HTR2A: variants seen among roughly 807,000 people sequenced by gnomAD.
The protein encoded by HTR2A is 5-HT2 receptor.
In HTR2A, 14 loss-of-function variants were observed where a neutral mutation model predicts 31.0. The ratio of observed to expected loss-of-function variants is 0.45; its 90% CI spans 0.30 to 0.71. The LOEUF (loss-of-function observed/expected upper bound fraction) is 0.71. HTR2A is among the 30% of genes least tolerant of loss of function. The pLI is 0.09. For missense variants in HTR2A, 442 were observed against 573.3 expected (o/e 0.77, Z 2.34); for synonymous variants, 209 against 225.2 (o/e 0.93, Z 0.64).
At chr13:46,870,695 G>A (rs1489093982) in intron 3 of HTR2A, among the ~76,000 whole-genome samples, 2 of 152,100 alleles carry the variant, frequency 1.3e-5, no homozygotes, top group African/African-American at 2.4e-5. Context: ...TTACTCTAGA[G>A]TTGTATCCAT....
chr13:46,848,799 A>G (rs545830321), intron 3 of HTR2A, among the ~76,000 whole-genome samples: 8 of 152,028 alleles, frequency 5.3e-5, no homozygotes, highest in Non-Finnish European at 1.2e-4. Context: ...TAGCTTTTTC[A>G]TTGTTTCATT....
intron 3 of HTR2A, among the ~76,000 whole-genome samples, chr13:46,858,647 T>C (rs1434497640): frequency 1.3e-5 from 2 of 152,202 alleles, no homozygotes; most frequent in African/African-American, 2.4e-5. Flanking sequence ...AATCTAGTTT[T>C]ATGCCTGTCA....
chr13:46,842,844 A>G (rs1593426558), intron 3 of HTR2A, among the ~76,000 whole-genome samples: 1 of 152,192 alleles, frequency 6.6e-6, no homozygotes, highest in Admixed American at 6.5e-5. Context: ...GTCTTCTCTC[A>G]GTAGCTTGCT....
rs1032185323 is a variant in HTR2A at position 46,887,166 on chromosome 13, T to A, written c.613+5224A>T. Among the ~76,000 whole-genome samples the A allele has an allele frequency of 6.6e-5, 10 of 152,140 alleles. No homozygotes were observed. The South Asian group carries it at 1.9e-3, about 28-fold the overall frequency. On this transcript the variant is annotated intron_variant, in intron 3 of 3. Transcript: ENST00000542664. Reference sequence around the variant, plus strand: ...CAGGCGCAGTGGCTCATGCCTGTAATCCCGGCACTTTGGGATGCCGAGGCG... The same window carrying A: ...CAGGCGCAGTGGCTCATGCCTGTAAACCCGGCACTTTGGGATGCCGAGGCG...
At chr13:46,881,860 G>T (rs767500754) in intron 3 of HTR2A, among the ~76,000 whole-genome samples, 8 of 152,214 alleles carry the variant, frequency 5.3e-5, no homozygotes, top group Non-Finnish European at 1.0e-4. Context: ...ATCTGGTTTT[G>T]AGTCTGGTTT....
chr13:46,895,238 C>T lies in HTR2A; in HGVS notation c.412+257G>A, dbSNP rs902592368. The T allele has an allele frequency of 5.3e-6, 2 of 376,656 alleles. No homozygotes were observed. Among genetic ancestry groups the T allele is most frequent in the East Asian group, 4.4e-5 (1 of 22,658 alleles). 23.3% of individuals were successfully genotyped at this position (376,656 alleles called of 1,614,324 possible). ...TACATGTTTTGAAGCACAAAACTCTCCAATGATCATTTTTACACAGGATGT... is the reference window on the plus strand; with the variant it reads ...TACATGTTTTGAAGCACAAAACTCTTCAATGATCATTTTTACACAGGATGT... On this transcript the variant is annotated intron_variant, in intron 2 of 3. Coordinates refer to ENST00000542664, the MANE Select transcript of HTR2A (RefSeq NM_000621.5). This position sits in a 1 kb window ranked among gnomAD's most constrained non-coding sequence, Gnocchi z 4.4.
chr13:46,847,417 C>A (rs547333295), intron 3 of HTR2A, among the ~76,000 whole-genome samples: 1 of 152,108 alleles, frequency 6.6e-6, no homozygotes, highest in Non-Finnish European at 1.5e-5. Context: ...GCTTACAGGG[C>A]CAGTGAAGTA....
Position 46,892,504 on chromosome 13 carries a change from A to C in HTR2A, c.499T>G (p.Cys167Gly). Residue 167 changes from cysteine (C) to glycine (G), a missense_variant, in exon 3 of 4, where the codon TGC (cysteine) becomes GGC (glycine). Around this residue, in one of 5 missense-constraint regions of HTR2A, gnomAD observed 86 missense variants for 179.1 expected, o/e 0.48. Transcript: ENST00000542664. Reference sequence around the variant, plus strand: ...ACGTAGCGGTCCAGCGAGATGGCGCAGAGGTGCATGATGGAGGCCGTGGAG... The same window carrying C: ...ACGTAGCGGTCCAGCGAGATGGCGCCGAGGTGCATGATGGAGGCCGTGGAG... ...LFSTASIMHL[C>G]AISLDRYVAI... 1 of 1,614,240 alleles carries C rather than the reference A, an allele frequency of 6.2e-7. No individual in the cohort carries two copies. The highest frequency in any genetic ancestry group is 8.5e-7 in the Non-Finnish European group (1 of 1,180,046).
chr13:46,855,601 A>T (rs1281236499), intron 3 of HTR2A, among the ~76,000 whole-genome samples: 1 of 152,004 alleles, frequency 6.6e-6, no homozygotes, highest in Non-Finnish European at 1.5e-5. Context: ...GGAACATGTA[A>T]ACTGGAGACA....
At chr13:46,872,378 G>A (rs770268720) in intron 3 of HTR2A, among the ~76,000 whole-genome samples, 6 of 152,070 alleles carry the variant, frequency 3.9e-5, no homozygotes, top group Non-Finnish European at 5.9e-5. Context: ...ATTAACAAGC[G>A]TATGTGCAAA....
intron 3 of HTR2A, among the ~76,000 whole-genome samples, chr13:46,845,974 T>C (rs970859128): frequency 3.3e-5 from 5 of 152,202 alleles, no homozygotes; most frequent in Non-Finnish European, 7.3e-5. Context: ...CAACTACCAT[T>C]GTTATAATTG....
At position 46,833,337 on chromosome 13, in the gene HTR2A, A is replaced by G. The variant is rs768170546; in HGVS notation, c.*1500T>C. On this transcript the variant is annotated 3_prime_UTR_variant, in exon 4 of 4. Transcript: ENST00000542664. ...CTGTATATATTTTTTGACTAAGACC[A>G]TTTCAGTTTAGTCATTTTCTTTTTT... 7.2e-5 allele frequency: 11 copies of G among 151,986 alleles called. No homozygotes were observed. The highest frequency in any genetic ancestry group is 1.6e-4 in the Non-Finnish European group (11 of 67,998). The allele number at this position is 151,986 out of a possible 1,614,324, so 9.4% of individuals were successfully genotyped here. A position where few individuals can be genotyped will look rare whatever the true frequency, so the allele number is the denominator to read the frequency against.
intron 3 of HTR2A, among the ~76,000 whole-genome samples, chr13:46,836,093 G>A (rs1555296460): frequency 6.6e-6 from 1 of 150,998 alleles, no homozygotes; most frequent in South Asian, 2.1e-4. Context: ...TTCTTTTTTT[G>A]ATGCTGTTCA....
intron 3 of HTR2A, among the ~76,000 whole-genome samples, chr13:46,883,417 G>A (rs555466713): frequency 1.3e-5 from 2 of 152,142 alleles, no homozygotes; most frequent in African/African-American, 2.4e-5. Flanking sequence ...TTAGACTGAC[G>A]GTACTTCAAA....
intron 3 of HTR2A, among the ~76,000 whole-genome samples, chr13:46,881,004 G>A (rs1264559461): frequency 6.6e-6 from 1 of 152,206 alleles, no homozygotes; most frequent in African/African-American, 2.4e-5. Context: ...GCCATGCAGA[G>A]AGAAGTCAGC....
chr13:46,869,390 T>C (rs1469790547), intron 3 of HTR2A, among the ~76,000 whole-genome samples: 1 of 152,088 alleles, frequency 6.6e-6, no homozygotes, highest in African/African-American at 2.4e-5. Flanking sequence ...GATAACCACT[T>C]CTCACATACT....
intron 2 of HTR2A, among the ~76,000 whole-genome samples, chr13:46,893,359 G>C (rs757510631): frequency 6.6e-6 from 1 of 152,222 alleles, no homozygotes; most frequent in Admixed American, 6.5e-5. Flanking sequence ...AGTTAGTAGG[G>C]AGCAGGCTGT....
intron 3 of HTR2A, among the ~76,000 whole-genome samples, chr13:46,863,965 CA>C (rs1426014363): frequency 6.6e-6 from 1 of 152,072 alleles, no homozygotes; most frequent in Non-Finnish European, 1.5e-5. Flanking sequence ...GACACATGCA[CA>C]CATATATTCA....
chr13:46,862,841 G>T (rs1950790925), intron 3 of HTR2A, among the ~76,000 whole-genome samples: 1 of 152,208 alleles, frequency 6.6e-6, no homozygotes, highest in Admixed American at 6.5e-5. Flanking sequence ...TTCTACAAAG[G>T]TATAAAATTA....
Sources: allele counts gnomAD v4.1 joint callset (sites outside exome capture counted in the v4.1 genomes callset), GRCh38; gene constraint gnomAD v4.1.1; regional missense constraint gnomAD v4.1.1; non-coding constraint Gnocchi (gnomAD v3.1); transcripts MANE v1.5; gene names NCBI Gene and HGNC (gene_info 2026-07-23, HGNC 2026-07-21).